The following HDAC9 variants were observed in gnomAD, a reference collection of about 807,000 sequenced individuals.
The protein encoded by HDAC9 is MEF-2 interacting transcription repressor (MITR) protein.
A neutral mutation model predicts 139.4 loss-of-function variants in HDAC9; 41 were observed. The observed-to-expected ratio is 0.29, with a 90% confidence interval of 0.23 to 0.38. The LOEUF (loss-of-function observed/expected upper bound fraction) is 0.38. HDAC9 is among the 10% of genes least tolerant of loss of function. The pLI, the probability that HDAC9 is intolerant of heterozygous loss-of-function variation, is 1.00. For synonymous variants in HDAC9, 517 were observed against 476.2 expected (o/e 1.09, Z -1.12); for missense variants, 1,147 against 1,297.0 (o/e 0.88, Z 1.78).
rs1297448860 is a variant in HDAC9 at position 18,769,548 on chromosome 7, G to T, written c.2214+2393G>T. On this transcript the variant is annotated intron_variant, in intron 16 of 25. Transcript: ENST00000686413. ...GTGATGCTTATGTAGGTCAGGGTGG[G>T]TGTGAATGTGTGTGTGTGTGTGTGC... is the stretch of plus-strand genomic sequence containing the variant. Among the ~76,000 whole-genome samples, 6 of 121,110 alleles carry T rather than the reference G, an allele frequency of 5.0e-5. No homozygotes were observed. The Admixed American group carries it at 5.0e-4, about 10-fold the overall frequency. The allele number at this position is 121,110 out of a possible 152,430, so 79.5% of individuals were successfully genotyped here.
At chr7:18,752,375 C>A (rs1011056541) in intron 14 of HDAC9, among the ~76,000 whole-genome samples, 1 of 152,020 alleles carries the variant, frequency 6.6e-6, no homozygotes, top group African/African-American at 2.4e-5. Context: ...CTTATTCACT[C>A]GACAGAGGAA....
chr7:18,274,375 G>C (rs1162372422), intron 2 of HDAC9, among the ~76,000 whole-genome samples: 1 of 152,146 alleles, frequency 6.6e-6, no homozygotes, highest in Non-Finnish European at 1.5e-5. Flanking sequence ...TGGTGAGAGA[G>C]AATGCAAGAG....
intron 2 of HDAC9, among the ~76,000 whole-genome samples, chr7:18,206,261 T>G (rs543089565): frequency 6.6e-6 from 1 of 152,214 alleles, no homozygotes; most frequent in East Asian, 1.9e-4. Flanking sequence ...CATTAAGGAG[T>G]TTTGGAAAAT....
chr7:18,644,583 TGGTA>T (rs1379975255), intron 8 of HDAC9, 84 bp from the exon 9 acceptor site: 11 of 1,068,198 alleles, frequency 1.0e-5, no homozygotes, highest in Non-Finnish European at 1.4e-5. Flanking sequence ...TTCTTAATTA[TGGTA>T]AGACCCATTT....
At chr7:18,822,150 GC>G (rs1371818739) in intron 17 of HDAC9, among the ~76,000 whole-genome samples, 3 of 152,102 alleles carry the variant, frequency 2.0e-5, no homozygotes, top group Non-Finnish European at 4.4e-5. Flanking sequence ...TCTACCTCCA[GC>G]CTCTCTCTCC....
rs756062510 is a variant in HDAC9 at position 18,829,329 on chromosome 7, C to T, written c.2378+113C>T. 2.1e-5 allele frequency: 24 copies of T among 1,127,828 alleles called. 1 individual carries two copies. The South Asian group carries it at 2.5e-4, about 12-fold the overall frequency. The allele number at this position is 1,127,828 out of a possible 1,614,324, so 69.9% of individuals were successfully genotyped here. Reference sequence around the variant, plus strand: ...TTAGCAGATGGACTGAAAAATCTTGCGAGGTACTCCCAGAAGCAGATTTAT... The same window carrying T: ...TTAGCAGATGGACTGAAAAATCTTGTGAGGTACTCCCAGAAGCAGATTTAT... On this transcript the variant is annotated intron_variant, in intron 18 of 25. Transcript: ENST00000686413.
chr7:18,836,200 C>T (rs1214745498), intron 21 of HDAC9, among the ~76,000 whole-genome samples: 11 of 152,148 alleles, frequency 7.2e-5, no homozygotes, highest in Admixed American at 5.9e-4. Context: ...CATTTTCCCC[C>T]TTCCCTCCCA....
At chr7:18,465,949 A>C (rs1397052741) in intron 1 of HDAC9, among the ~76,000 whole-genome samples, 1 of 152,200 alleles carries the variant, frequency 6.6e-6, no homozygotes, top group Non-Finnish European at 1.5e-5. Flanking sequence ...AACACAATTT[A>C]TTATTTTACA....
At chr7:18,147,627 C>T (rs1786437649) in intron 1 of HDAC9, among the ~76,000 whole-genome samples, 1 of 144,712 alleles carries the variant, frequency 6.9e-6, no homozygotes, top group Non-Finnish European at 1.5e-5. Flanking sequence ...TGTCTTACCT[C>T]AGGACTCATT....
intron 19 of HDAC9, among the ~76,000 whole-genome samples, chr7:18,832,994 C>A (rs933048195): frequency 1.3e-5 from 2 of 152,048 alleles, no homozygotes; most frequent in Non-Finnish European, 2.9e-5. Context: ...CCTCGGCCTC[C>A]CAAAGTGCTG....
chr7:18,275,815 C>G (rs1221382787), intron 2 of HDAC9, among the ~76,000 whole-genome samples: 1 of 152,192 alleles, frequency 6.6e-6, no homozygotes, highest in Non-Finnish European at 1.5e-5. Context: ...TCATTCCATG[C>G]TTCGTTTTTG....
intron 1 of HDAC9, among the ~76,000 whole-genome samples, chr7:18,120,832 T>C (rs1235073720): frequency 1.3e-5 from 2 of 152,234 alleles, no homozygotes; most frequent in Admixed American, 1.3e-4. Context: ...CAATTTGATT[T>C]GCTCTTCTCT....
intron 17 of HDAC9, among the ~76,000 whole-genome samples, chr7:18,808,621 A>T (rs529920448): frequency 6.6e-6 from 1 of 152,156 alleles, no homozygotes; most frequent in Non-Finnish European, 1.5e-5. Context: ...ACTGAAAACT[A>T]TAAAACATTG....
chr7:18,197,651 G>A (rs1277231975), intron 2 of HDAC9, among the ~76,000 whole-genome samples: 1 of 152,198 alleles, frequency 6.6e-6, no homozygotes, highest in Admixed American at 6.5e-5. Flanking sequence ...AGATGAGCCA[G>A]TGTATAAAAA....
chr7:18,585,219 G>A, intron 2 of HDAC9, 62 bp from the exon 3 acceptor site: 1 of 1,562,426 alleles, frequency 6.4e-7, no homozygotes, highest in South Asian at 1.2e-5. Flanking sequence ...AAATCAATGT[G>A]CTAATTTCCA....
chr7:18,504,607 G>T lies in HDAC9; in HGVS notation c.22+8283G>T, dbSNP rs550305237. On this transcript the variant is annotated intron_variant, in intron 2 of 25. Coordinates refer to ENST00000686413, the MANE Select transcript of HDAC9 (RefSeq NM_178425.4). ...GGCATGAGCCGCTGCGCCCAGCCTAGTTCCAATTTTAGAGGTCAGTGATTG... is the reference window on the plus strand; with the variant it reads ...GGCATGAGCCGCTGCGCCCAGCCTATTTCCAATTTTAGAGGTCAGTGATTG... Among the ~76,000 whole-genome samples, 14 of 152,264 alleles carry T rather than the reference G, an allele frequency of 9.2e-5. No homozygotes were observed. In the South Asian group the frequency reaches 2.9e-3, roughly 32 times the overall value.
intron 1 of HDAC9, among the ~76,000 whole-genome samples, chr7:18,295,080 G>C (rs1457858449): frequency 1.3e-5 from 2 of 152,108 alleles, no homozygotes; most frequent in African/African-American, 2.4e-5. Context: ...GTAGGCATAA[G>C]ATGTCATGTA....
At chr7:18,776,135 G>T (rs1439414504) in intron 16 of HDAC9, among the ~76,000 whole-genome samples, 6 of 151,934 alleles carry the variant, frequency 3.9e-5, no homozygotes, top group African/African-American at 1.4e-4. Flanking sequence ...TAGAGATGTG[G>T]TCTCACTACG....
In HDAC9 at chr7:18,979,844, A is replaced by G. The variant is rs74546478; in HGVS notation, c.3170+3891A>G. Among the ~76,000 whole-genome samples the G allele has an allele frequency of 2.2e-3, 329 of 152,310 alleles. 3 individuals are homozygous for G. Among genetic ancestry groups the G allele is most frequent in the African/African-American group, 7.5e-3 (312 of 41,578 alleles). The stretch of plus-strand genomic sequence containing the variant: ...TCAGAGCAAGAGCTTACTTATCACC[A>G]TGGAGATGGTGCAAGCCATTCATGA... On this transcript the variant is annotated intron_variant, in intron 25 of 25. Transcript: ENST00000686413.
Sources: gnomAD v4.1 joint callset for allele counts (sites outside exome capture counted in the v4.1 genomes callset) on GRCh38, gnomAD v4.1.1 for gene constraint, MANE v1.5 for transcripts, NCBI Gene and HGNC (gene_info 2026-07-23, HGNC 2026-07-21) for gene names.